CD55: variants seen among roughly 807,000 people sequenced by gnomAD.
The protein encoded by CD55 is complement decay-accelerating factor.
In CD55, 41 loss-of-function variants were observed where a neutral mutation model predicts 45.8. The ratio of observed to expected loss-of-function variants is 0.90; its 90% CI spans 0.70 to 1.16. CD55 has a LOEUF of 1.16. CD55 is among the 50% of genes most tolerant of loss of function. The pLI, the probability that CD55 is intolerant of heterozygous loss-of-function variation, is 0.00. For missense variants in CD55, 416 were observed against 469.8 expected (o/e 0.89, Z 1.06); for synonymous variants, 181 against 181.1 (o/e 1.00, Z 0.01).
chr1:207,353,960 TA>T, intron 9 of CD55: 1 of 1,518,406 alleles, frequency 6.6e-7, no homozygotes, highest in African/African-American at 1.4e-5. Flanking sequence ...AACCTTTCCA[TA>T]ACTTTTTGTT....
At chr1:207,324,156 G>A (rs1469798990) in intron 2 of CD55, among the ~76,000 whole-genome samples, 3 of 152,192 alleles carry the variant, frequency 2.0e-5, no homozygotes, top group Non-Finnish European at 2.9e-5. Context: ...ATAAATATTA[G>A]CTGCTATTAT....
intron 9 of CD55, chr1:207,354,092 T>C (rs375568383): frequency 2.6e-6 from 4 of 1,530,268 alleles, no homozygotes; most frequent in East Asian, 4.9e-5. Context: ...TCACTCCAGT[T>C]CTTGGAGGTA....
intron 6 of CD55, among the ~76,000 whole-genome samples, chr1:207,332,506 T>C (rs1462707622): frequency 1.3e-5 from 2 of 152,230 alleles, no homozygotes; most frequent in Non-Finnish European, 2.9e-5. Context: ...TACAACATCA[T>C]TGTGGTGTTT....
rs1180062673 is a variant in CD55 at position 207,331,004 on chromosome 1, A to G, written c.665-104A>G. On this transcript the variant is annotated intron_variant, in intron 5 of 9. Transcript: ENST00000367064. Reference sequence around the variant, plus strand: ...GTAATGCTGAATTTAGAAAAATGATATTTTGATTTCTTTAAAATATAATCT... The same window carrying G: ...GTAATGCTGAATTTAGAAAAATGATGTTTTGATTTCTTTAAAATATAATCT... The G allele has an allele frequency of 4.5e-6, 4 of 887,362 alleles. No homozygotes were observed. The African/African-American group carries it at 6.8e-5, about 15-fold the overall frequency. The allele number at this position is 887,362 out of a possible 1,614,324, so 55.0% of individuals were successfully genotyped here.
chr1:207,355,087 A>G (rs181714284), intron 9 of CD55, among the ~76,000 whole-genome samples: 1 of 152,330 alleles, frequency 6.6e-6, no homozygotes, highest in Non-Finnish European at 1.5e-5. Flanking sequence ...ATTCTAGGGG[A>G]TCAGTTAAAT....
chr1:207,354,117 T>A (rs925818519), intron 9 of CD55: 1 of 1,521,102 alleles, frequency 6.6e-7, no homozygotes, highest in African/African-American at 1.4e-5. Flanking sequence ...GATAGAATTC[T>A]AAGTTGGGTT....
rs1485515465 is a variant in CD55 at position 207,359,966 on chromosome 1, A to G, written c.*356A>G. The G allele has an allele frequency of 1.7e-5, 3 of 177,452 alleles. No homozygotes were observed. Among genetic ancestry groups the G allele is most frequent in the African/African-American group, 7.1e-5 (3 of 42,454 alleles). 11.0% of individuals were successfully genotyped at this position (177,452 alleles called of 1,614,324 possible). On this transcript the variant is annotated 3_prime_UTR_variant, in exon 10 of 10. Transcript: ENST00000367064. ...AAGATCTGTAATGTTATTTCCACTT[A>G]TAAAGGAAATAAAAAATGAAAAACA...
intron 8 of CD55, 46 bp downstream of exon 8, chr1:207,337,455 T>C: frequency 9.8e-7 from 1 of 1,023,714 alleles, no homozygotes; most frequent in Non-Finnish European, 1.5e-6. Context: ...TCTAATGTGC[T>C]ATGGTGGAAA....
intron 9 of CD55, among the ~76,000 whole-genome samples, chr1:207,352,430 G>C (rs1655903783): frequency 6.6e-6 from 1 of 151,996 alleles, no homozygotes; most frequent in African/African-American, 2.4e-5. Flanking sequence ...CACCCCCATT[G>C]AGAATGCTTG....
rs768117095 is a variant in CD55, at chr1:207,336,818, G to A, written c.979G>A (p.Ala327Thr). The change falls in exon 7 of 10, where the codon GCA (alanine) becomes ACA (threonine). Residue 327 changes from alanine to threonine, a missense_variant and splice_region_variant. Coordinates refer to ENST00000367064, the MANE Select transcript of CD55 (RefSeq NM_000574.5). The stretch of plus-strand genomic sequence containing the variant: ...AAAAACCACCACACCAAATGCTCAA[G>A]GTACAGAGACTCCATCAGTTCTTCA... ...TTKTTTPNAQ[A>T]TRSTPVSRTT... 2 of 1,613,604 alleles carry A rather than the reference G, an allele frequency of 1.2e-6. No homozygotes were observed. The highest frequency in any genetic ancestry group is 1.7e-6 in the Non-Finnish European group (2 of 1,179,764).
chr1:207,326,612 C>T (rs770618868), intron 4 of CD55, 140 bp from the exon 5 acceptor site: 19 of 644,944 alleles, frequency 2.9e-5, no homozygotes, highest in Admixed American at 5.3e-5. Context: ...CTTTAAACTA[C>T]TGTGTGGACT....
At chr1:207,324,055 G>T (rs949780758) in intron 2 of CD55, among the ~76,000 whole-genome samples, 1 of 152,036 alleles carries the variant, frequency 6.6e-6, no homozygotes, top group Admixed American at 6.5e-5. Context: ...CAATTTGTGG[G>T]CAATCTGTTT....
At chr1:207,343,519 C>T (rs1466561625) in intron 9 of CD55, among the ~76,000 whole-genome samples, 1 of 152,006 alleles carries the variant, frequency 6.6e-6, no homozygotes, top group Non-Finnish European at 1.5e-5. Flanking sequence ...TAGTTTAATT[C>T]CATTATGGTT....
intron 5 of CD55, among the ~76,000 whole-genome samples, chr1:207,328,083 C>T (rs762786258): frequency 4.6e-5 from 7 of 152,220 alleles, no homozygotes; most frequent in Non-Finnish European, 8.8e-5. Context: ...TCACAAGCAC[C>T]TGCTGTGTCA....
chr1:207,347,427 T>A (rs1056846607), intron 9 of CD55: 3 of 350,518 alleles, frequency 8.6e-6, no homozygotes, highest in Non-Finnish European at 1.1e-5. Context: ...ACCCGGCTAA[T>A]TTTTTGTATT....
rs745901953 is a variant in CD55 at position 207,324,644 on chromosome 1, T to G, written c.372T>G (p.Val124=). 3.5e-5 allele frequency: 57 copies of G among 1,612,866 alleles called. No individual in the cohort carries two copies. Among genetic ancestry groups the G allele is most frequent in the Non-Finnish European group, 4.6e-5 (54 of 1,179,332 alleles). ...AGAATTATTTTCCAGTCGGTACTGT[T>G]GTGGAATATGAGTGCCGTCCAGGTT... ...ITQNYFPVGT[V]VEYECRPGYR... Residue 124 remains valine (V), a synonymous_variant, in exon 3 of 10, where the codon GTT becomes GTG. Coordinates refer to ENST00000367064, the MANE Select transcript of CD55 (RefSeq NM_000574.5).
At chr1:207,353,218 A>G (rs1180960473) in intron 9 of CD55, among the ~76,000 whole-genome samples, 1 of 151,866 alleles carries the variant, frequency 6.6e-6, no homozygotes, top group African/African-American at 2.4e-5. Flanking sequence ...CCAAGAGACA[A>G]TACAACCCAA....
Position 207,322,456 on chromosome 1 carries a change from A to G in CD55, c.175A>G (p.Thr59Ala), listed in dbSNP as rs1368630904. 6.2e-7 allele frequency: 1 copy of G among 1,614,254 alleles called. No homozygotes were observed. Among genetic ancestry groups the G allele is most frequent in the South Asian group, 1.1e-5 (1 of 91,092 alleles). Residue 59 changes from threonine (T) to alanine (A), a missense_variant, in exon 2 of 10, where the codon ACT becomes GCT. Around this residue, in one of 3 missense-constraint regions of CD55, gnomAD observed 123 missense variants for 105.1 expected, o/e 1.17. Transcript: ENST00000367064. The part of the protein sequence containing the change: ...LEGRTSFPED[T>A]VITYKCEESF... ...AGGCCGTACAAGTTTTCCCGAGGATACTGTAATAACGTACAAATGTGAAGA... is the reference window on the plus strand; with the variant it reads ...AGGCCGTACAAGTTTTCCCGAGGATGCTGTAATAACGTACAAATGTGAAGA...
chr1:207,334,196 CA>C (rs1283045725), intron 6 of CD55, among the ~76,000 whole-genome samples: 1 of 151,936 alleles, frequency 6.6e-6, no homozygotes, highest in East Asian at 1.9e-4. Flanking sequence ...TACTGCTCAG[CA>C]AAAAATGATG....
Sources: allele counts gnomAD v4.1 joint callset (sites outside exome capture counted in the v4.1 genomes callset), GRCh38; gene constraint gnomAD v4.1.1; regional missense constraint gnomAD v4.1.1; transcripts MANE v1.5; gene names NCBI Gene and HGNC (gene_info 2026-07-23, HGNC 2026-07-21).